KHDRBS2: variants seen among roughly 807,000 people sequenced by gnomAD.
KHDRBS2 encodes KH domain-containing, RNA-binding, signal transduction-associated protein 2.
In KHDRBS2, 26 loss-of-function variants were observed where a neutral mutation model predicts 44.3. The observed-to-expected ratio is 0.59, with a 90% CI of 0.43 to 0.81. The LOEUF is 0.81. Among genes scored for constraint, KHDRBS2 ranks in the 40% least tolerant of loss-of-function variants. The pLI, the probability that KHDRBS2 is intolerant of heterozygous loss-of-function variation, is 0.00. For missense variants in KHDRBS2, 476 were observed against 433.1 expected (o/e 1.10, Z -0.88); for synonymous variants, 194 against 151.1 (o/e 1.28, Z -2.08).
At chr6:61,819,584 G>C (rs1430548584) in intron 6 of KHDRBS2, among the ~76,000 whole-genome samples, 2 of 151,948 alleles carry the variant, frequency 1.3e-5, no homozygotes, top group African/African-American at 2.4e-5. Context: ...TTCTTTCTGA[G>C]ATAAAATGAG....
chr6:61,709,175 G>T (rs999298609), intron 7 of KHDRBS2, among the ~76,000 whole-genome samples: 3 of 151,432 alleles, frequency 2.0e-5, no homozygotes, highest in Admixed American at 6.6e-5. Context: ...TCTCTTTTTC[G>T]TATGCATAAA....
intron 2 of KHDRBS2, among the ~76,000 whole-genome samples, chr6:62,114,294 A>T (rs1805696499): frequency 6.6e-6 from 1 of 152,156 alleles, no homozygotes; most frequent in African/African-American, 2.4e-5. Flanking sequence ...TATCTCTTGC[A>T]TAAAACATTT....
intron 2 of KHDRBS2, among the ~76,000 whole-genome samples, chr6:62,074,795 C>A (rs1796004579): frequency 6.6e-6 from 1 of 151,786 alleles, no homozygotes; most frequent in Non-Finnish European, 1.5e-5. Context: ...TCCTCTAGGA[C>A]CTTAACATAT....
intron 1 of KHDRBS2, among the ~76,000 whole-genome samples, chr6:62,279,426 T>C (rs1026460410): frequency 1.3e-5 from 2 of 152,198 alleles, no homozygotes; most frequent in African/African-American, 4.8e-5. Flanking sequence ...AAAAGGAAGA[T>C]ATGAGGTCAG....
At chr6:62,164,009 T>C (rs879365642) in intron 2 of KHDRBS2, among the ~76,000 whole-genome samples, 4 of 151,996 alleles carry the variant, frequency 2.6e-5, no homozygotes, top group Non-Finnish European at 4.4e-5. Context: ...TATCTACTCA[T>C]AAACCAGAAA....
chr6:61,885,039 A>G (rs761293848), intron 6 of KHDRBS2, among the ~76,000 whole-genome samples: 2 of 152,116 alleles, frequency 1.3e-5, no homozygotes, highest in Non-Finnish European at 2.9e-5. Flanking sequence ...GCAATAACAA[A>G]CAACTGTAAA....
chr6:62,143,122 C>T (rs1813210094), intron 2 of KHDRBS2, among the ~76,000 whole-genome samples: 1 of 151,756 alleles, frequency 6.6e-6, no homozygotes, highest in African/African-American at 2.4e-5. Flanking sequence ...GGTTTAAAAA[C>T]GATGGGAAAA....
rs4036655 is a variant in KHDRBS2 at position 62,240,672 on chromosome 6, G to GTATATATATATA, written c.91+45174_91+45185dup. ...TGTATGTGTGTATGTATGTGTGTGT[G>GTATATATATATA]TATATATATATATATATATATATAT... On this transcript the variant is annotated intron_variant, in intron 1 of 8. Coordinates refer to ENST00000281156, the MANE Select transcript of KHDRBS2 (RefSeq NM_152688.4). Among the ~76,000 whole-genome samples, 58 of 64,142 alleles carry GTATATATATATA rather than the reference G, an allele frequency of 9.0e-4. 2 individuals are homozygous for GTATATATATATA. The highest frequency in any genetic ancestry group is 1.4e-3 in the Non-Finnish European group (47 of 32,502). 42.1% of individuals were successfully genotyped at this position (64,142 alleles called of 152,430 possible).
At chr6:62,241,526 AT>A (rs147156896) in intron 1 of KHDRBS2, among the ~76,000 whole-genome samples, 17 of 150,316 alleles carry the variant, frequency 1.1e-4, no homozygotes, top group South Asian at 2.1e-4. Context: ...GTTTTATGTG[AT>A]TTTTTTTTTC....
At position 62,221,570 on chromosome 6, in the gene KHDRBS2, C is replaced by T. The variant is rs571870544; in HGVS notation, c.92-44258G>A. On this transcript the variant is annotated intron_variant, in intron 1 of 8. Transcript: ENST00000281156. Reference sequence around the variant, plus strand: ...GTATCTGATAACACCAACTTATATGCAAAAAAAAATTTAAAAAGAACATAA... The same window carrying T: ...GTATCTGATAACACCAACTTATATGTAAAAAAAAATTTAAAAAGAACATAA... Among the ~76,000 whole-genome samples, 29 of 150,840 alleles carry T rather than the reference C, an allele frequency of 1.9e-4. No homozygotes were observed. The East Asian group carries it at 5.6e-3, about 29-fold the overall frequency.
Position 61,989,736 on chromosome 6 carries a change from C to T in KHDRBS2, c.337-11524G>A, listed in dbSNP as rs185303816. 4.7e-4 allele frequency among the ~76,000 whole-genome samples: 72 copies of T among 152,154 alleles called. 1 individual carries two copies. The highest frequency in any genetic ancestry group is 4.6e-3 in the Admixed American group (70 of 15,272). ...GTTTTTAATTGTATTTCTTCATCAC[C>T]CACTGAAACAAATGGTAACAGATGC... is the stretch of plus-strand genomic sequence containing the variant. On this transcript the variant is annotated intron_variant, in intron 3 of 8. Transcript: ENST00000281156.
At chr6:61,636,849 C>G in the KHDRBS2 span, among the ~76,000 whole-genome samples, 1 of 151,996 alleles carries the variant, frequency 6.6e-6, no homozygotes, top group South Asian at 2.1e-4. Flanking sequence ...ACTAGGACCA[C>G]ATCTCATGCA....
chr6:62,121,205 G>C (rs1175848447), intron 2 of KHDRBS2, among the ~76,000 whole-genome samples: 1 of 152,164 alleles, frequency 6.6e-6, no homozygotes, highest in Non-Finnish European at 1.5e-5. Context: ...CTGACTGGTA[G>C]GATGAGAGCC....
chr6:62,057,627 C>T (rs1168998576), intron 2 of KHDRBS2, among the ~76,000 whole-genome samples: 1 of 151,900 alleles, frequency 6.6e-6, no homozygotes, highest in Non-Finnish European at 1.5e-5. Flanking sequence ...CACTACACAC[C>T]AGTGTCTTCA....
chr6:61,612,880 T>G, the KHDRBS2 span, among the ~76,000 whole-genome samples: 1 of 125,564 alleles, frequency 8.0e-6, no homozygotes, highest in African/African-American at 3.2e-5. Flanking sequence ...TGAGACGGAG[T>G]CTTGCTCTGT....
At chr6:61,620,254 A>C in the KHDRBS2 span, among the ~76,000 whole-genome samples, 13 of 152,314 alleles carry the variant, frequency 8.5e-5, no homozygotes, top group Non-Finnish European at 1.5e-4. Context: ...ATTAAAAAAA[A>C]AATTCTTAAT....
At chr6:61,909,390 G>T (rs1198305923) in intron 4 of KHDRBS2, among the ~76,000 whole-genome samples, 5 of 151,928 alleles carry the variant, frequency 3.3e-5, no homozygotes, top group Admixed American at 1.3e-4. Context: ...TTTTATAATT[G>T]ATCTGGATTT....
At chr6:61,822,629 A>AT (rs2127253332) in intron 6 of KHDRBS2, among the ~76,000 whole-genome samples, 1 of 151,738 alleles carries the variant, frequency 6.6e-6, no homozygotes, top group African/African-American at 2.4e-5. Context: ...TCACCCTAAA[A>AT]TTTTTCTTAT....
chr6:61,947,895 A>T (rs1813684262), intron 4 of KHDRBS2, among the ~76,000 whole-genome samples: 1 of 146,864 alleles, frequency 6.8e-6, no homozygotes, highest in African/African-American at 2.5e-5. Context: ...GGCATGACAA[A>T]ACCCCCACAC....
Sources: gnomAD v4.1 joint callset for allele counts (sites outside exome capture counted in the v4.1 genomes callset) on GRCh38, gnomAD v4.1.1 for gene constraint, MANE v1.5 for transcripts, NCBI Gene and HGNC (gene_info 2026-07-23, HGNC 2026-07-21) for gene names.